WNK1: variants seen among roughly 807,000 people sequenced by gnomAD.
WNK1 encodes the protein serine/threonine-protein kinase WNK1.
WNK1 carries 38 observed loss-of-function variants against 222.8 expected under a neutral mutation model. That is an observed-to-expected ratio of 0.17 (90% confidence interval 0.13 to 0.22). The LOEUF is 0.22. Among genes scored for constraint, WNK1 ranks in the 10% least tolerant of loss-of-function variants. The pLI is 1.00. For synonymous variants in WNK1, 1,090 were observed against 1,092.9 expected (o/e 1.00, Z 0.05); for missense variants, 2,348 against 2,918.4 (o/e 0.80, Z 4.50).
rs1281317365 is a variant in WNK1 at position 753,710 on chromosome 12, G to A, written c.145G>A (p.Gly49Ser). Residue 49 changes from glycine (G) to serine (S), a missense_variant, in exon 1 of 28, where the codon GGC becomes AGC. Physicochemically the swap from Gly to Ser is moderately conservative, Grantham distance 56. Around this residue, in one of 13 missense-constraint regions of WNK1, gnomAD observed 108 missense variants for 109.7 expected, o/e 0.98. Coordinates refer to ENST00000315939, the MANE Select transcript of WNK1 (RefSeq NM_018979.4). The surrounding 1 kb of genome is among the most constrained non-coding windows in gnomAD (Gnocchi z 5.2). Reference protein sequence around the residue: ...LGAAAADAVTGRTEEYRRRRH... With the variant: ...LGAAAADAVTSRTEEYRRRRH... ...AGCCGCGGCCGCCGACGCTGTGACC[G>A]GCAGGACCGAGGAGTACAGGCGCCG... 2.5e-6 allele frequency: 4 copies of A among 1,612,004 alleles called. No homozygotes were observed. Among genetic ancestry groups the A allele is most frequent in the East Asian group, 2.2e-5 (1 of 44,882 alleles).
At chr12:763,972 G>C (rs1469516062) in intron 1 of WNK1, among the ~76,000 whole-genome samples, 2 of 147,386 alleles carry the variant, frequency 1.4e-5, no homozygotes, top group African/African-American at 4.9e-5. Flanking sequence ...TTGAGTTTGA[G>C]ATTCTTATGT....
At chr12:756,691 C>T (rs1485099457) in intron 1 of WNK1, among the ~76,000 whole-genome samples, 1 of 152,178 alleles carries the variant, frequency 6.6e-6, no homozygotes, top group East Asian at 1.9e-4. Flanking sequence ...GCACTACATG[C>T]CTAATAAAAT....
intron 1 of WNK1, among the ~76,000 whole-genome samples, chr12:796,125 T>G (rs1945292045): frequency 6.6e-6 from 1 of 152,288 alleles, no homozygotes; most frequent in South Asian, 2.1e-4. Flanking sequence ...CTGCCCTTCC[T>G]GGCCTCCCAA....
intron 1 of WNK1, among the ~76,000 whole-genome samples, chr12:785,484 T>G (rs2153973622): frequency 7.8e-6 from 1 of 128,900 alleles, no homozygotes; most frequent in East Asian, 2.5e-4. Flanking sequence ...CACTGCAGCC[T>G]CCACCTCCCA....
intron 1 of WNK1, among the ~76,000 whole-genome samples, chr12:806,784 A>G (rs1946399630): frequency 6.6e-6 from 1 of 152,250 alleles, no homozygotes. Flanking sequence ...AAAATGTCGT[A>G]GATATTTGGA....
Position 909,406 on chromosome 12 carries a change from A to AG in WNK1, c.*616dup, listed in dbSNP as rs1262282960. On this transcript the variant is annotated 3_prime_UTR_variant, in exon 28 of 28. Coordinates refer to ENST00000315939, the MANE Select transcript of WNK1 (RefSeq NM_018979.4). ...AGCTTTGACTGCAGCATTAGCAATTAGGAAAAAAAAAAAATTAAGTTCCCT... is the reference window on the plus strand; with the variant it reads ...AGCTTTGACTGCAGCATTAGCAATTAGGGAAAAAAAAAAAATTAAGTTCCCT... 1.3e-5 allele frequency: 2 copies of AG among 152,068 alleles called. No individual in the cohort carries two copies. Among genetic ancestry groups the AG allele is most frequent in the East Asian group, 3.9e-4 (2 of 5,194 alleles). The allele number at this position is 152,068 out of a possible 1,614,324, so 9.4% of individuals were successfully genotyped here. A position where few individuals can be genotyped will look rare whatever the true frequency, so the allele number is the denominator to read the frequency against.
At chr12:804,133 A>G (rs1946130684) in intron 1 of WNK1, among the ~76,000 whole-genome samples, 2 of 152,336 alleles carry the variant, frequency 1.3e-5, no homozygotes, top group South Asian at 4.1e-4. Flanking sequence ...CAGTATCTGT[A>G]TCTTCGAAGC....
chr12:848,496 C>CTTTTT (rs10644583), intron 4 of WNK1, among the ~76,000 whole-genome samples: 14,864 of 98,838 alleles, frequency 0.15, 1,430 homozygotes, highest in South Asian at 0.17. Context: ...CCAGTAAAAA[C>CTTTTT]TTTTTTTTTT....
chr12:773,759 A>G (rs12321497), intron 1 of WNK1, among the ~76,000 whole-genome samples: 7,944 of 152,274 alleles, frequency 0.052, 399 homozygotes, highest in African/African-American at 0.11. Flanking sequence ...GTATGTTTGC[A>G]ATTTTATATC....
chr12:878,104 A>G, intron 9 of WNK1, 108 bp from the exon 10 acceptor site: 1 of 1,430,396 alleles, frequency 7.0e-7, no homozygotes, highest in Non-Finnish European at 9.8e-7. Context: ...CTTGATTACT[A>G]AAATCATCAT....
Position 865,177 on chromosome 12 carries a change from C to CTCTCCCAGTGCTCTTCCA in WNK1, c.2139+2908_2139+2925dup, listed in dbSNP as rs1392602768. 3 of 1,500,668 alleles carry CTCTCCCAGTGCTCTTCCA rather than the reference C, an allele frequency of 2.0e-6. No individual in the cohort carries two copies. The African/African-American group carries it at 4.6e-5, about 23-fold the overall frequency. 93.0% of individuals were successfully genotyped at this position (1,500,668 alleles called of 1,614,324 possible). A position where few individuals can be genotyped will look rare whatever the true frequency, so the allele number is the denominator to read the frequency against. On this transcript the variant is annotated intron_variant, in intron 8 of 27. Coordinates refer to ENST00000315939, the MANE Select transcript of WNK1 (RefSeq NM_018979.4). ...CTGCTGTTGCCTCTGTGTCCCGCATCTCTCCCAGTGCTCTTCCACCCCACC... is the reference window on the plus strand; with the variant it reads ...CTGCTGTTGCCTCTGTGTCCCGCATCTCTCCCAGTGCTCTTCCATCTCCCAGTGCTCTTCCACCCCACC...
Position 859,324 on chromosome 12 carries a change from G to A in WNK1, c.1480G>A (p.Asp494Asn), listed in dbSNP as rs1951017509. The A allele has an allele frequency of 6.2e-7, 1 of 1,613,630 alleles. No homozygotes were observed. Among genetic ancestry groups the A allele is most frequent in the Non-Finnish European group, 8.5e-7 (1 of 1,179,766 alleles). ...GVRVELAEED[D>N]GEKIAIKLWL... ...ACGGGTAGAATTAGCAGAAGAAGAT[G>A]ATGGAGAAAAAATAGCCATAAAATT... Residue 494 changes from aspartate (D) to asparagine (N), a missense_variant, in exon 6 of 28, where the codon GAT (aspartate) becomes AAT (asparagine). Asp to Asn is a conservative substitution (Grantham distance 23). Transcript: ENST00000315939.
At chr12:786,133 GA>G (rs558521858) in intron 1 of WNK1, among the ~76,000 whole-genome samples, 6 of 152,058 alleles carry the variant, frequency 3.9e-5, no homozygotes, top group African/African-American at 1.4e-4. Context: ...TTTATTAAGG[GA>G]AAAAATCTGT....
chr12:753,418 C>A lies in WNK1; in HGVS notation c.-148C>A. The A allele has an allele frequency of 9.6e-7, 1 of 1,043,140 alleles. No individual in the cohort carries two copies. Among genetic ancestry groups the A allele is most frequent in the Non-Finnish European group, 1.4e-6 (1 of 727,106 alleles). 64.6% of individuals were successfully genotyped at this position (1,043,140 alleles called of 1,614,324 possible). ...GCGGTCCGCCTGTCCCTCGTTGCGG[C>A]TTGTCGGTGCTGAGTGAGGCGTCGT... On this transcript the variant is annotated 5_prime_UTR_variant, in exon 1 of 28. Coordinates refer to ENST00000315939, the MANE Select transcript of WNK1 (RefSeq NM_018979.4). The surrounding 1 kb of genome is among the most constrained non-coding windows in gnomAD (Gnocchi z 5.2).
At position 885,266 on chromosome 12, in the gene WNK1, A is replaced by G. The variant is rs1257556926; in HGVS notation, c.4462A>G (p.Thr1488Ala). The change falls in exon 19 of 28, where the codon ACA (threonine) becomes GCA (alanine). Residue 1488 changes from threonine to alanine, a missense_variant. Around this residue, in one of 13 missense-constraint regions of WNK1, gnomAD observed 1,144 missense variants for 1,273.6 expected, o/e 0.90. Transcript: ENST00000315939. ...AGCAGGCAGCACTACTGTGGGAGCCACATTAACATCAGTTTCTACCACCAC... is the reference window on the plus strand; with the variant it reads ...AGCAGGCAGCACTACTGTGGGAGCCGCATTAACATCAGTTTCTACCACCAC... ...QAAGSTTVGA[T>A]LTSVSTTTSF... The G allele has an allele frequency of 6.2e-7, 1 of 1,614,202 alleles. No homozygotes were observed.
At chr12:863,251 G>T (rs1951354681) in intron 8 of WNK1, among the ~76,000 whole-genome samples, 1 of 151,932 alleles carries the variant, frequency 6.6e-6, no homozygotes, top group African/African-American at 2.4e-5. Context: ...CTGCTTGTTC[G>T]ATTTTTTATC....
rs528277916 is a variant in WNK1, at chr12:785,206, A to G, written c.760-28436A>G. Among the ~76,000 whole-genome samples, 106 of 152,158 alleles carry G rather than the reference A, an allele frequency of 7.0e-4. 2 individuals are homozygous for G. The highest frequency in any genetic ancestry group is 2.3e-3 in the African/African-American group (97 of 41,504). ...TCCTCAGCGTTTTGAAATTTCAGCA[A>G]TGTGCCTTGGTATGGGTCTCTTTTT... On this transcript the variant is annotated intron_variant, in intron 1 of 27. Transcript: ENST00000315939.
At chr12:760,518 G>C (rs536801185) in intron 1 of WNK1, among the ~76,000 whole-genome samples, 5 of 147,590 alleles carry the variant, frequency 3.4e-5, no homozygotes, top group Admixed American at 3.4e-4. Context: ...AAAATGTTAA[G>C]TGTTATATAA....
chr12:876,647 G>A (rs558755471), intron 9 of WNK1, among the ~76,000 whole-genome samples: 12 of 152,190 alleles, frequency 7.9e-5, no homozygotes, highest in African/African-American at 2.4e-4. Flanking sequence ...CCAATTAGTC[G>A]TATGGGTATA....
Sources: gnomAD v4.1 joint callset for allele counts (sites outside exome capture counted in the v4.1 genomes callset) on GRCh38, gnomAD v4.1.1 for gene constraint, gnomAD v4.1.1 regional missense constraint, Gnocchi (gnomAD v3.1) non-coding constraint, MANE v1.5 for transcripts, NCBI Gene and HGNC (gene_info 2026-07-23, HGNC 2026-07-21) for gene names.